The following TMEM86A variants were observed in gnomAD, a reference collection of about 807,000 sequenced individuals.
TMEM86A encodes lysoplasmalogenase TMEM86A.
A neutral mutation model predicts 19.8 loss-of-function variants in TMEM86A; 13 were observed. That is an observed-to-expected ratio of 0.66 (90% confidence interval 0.43 to 1.04). The LOEUF is 1.04. TMEM86A is among the 50% of genes least tolerant of loss of function. TMEM86A has a pLI of 0.00. For synonymous variants in TMEM86A, 128 were observed against 129.9 expected (o/e 0.99, Z 0.10); for missense variants, 248 against 306.8 (o/e 0.81, Z 1.43).
At position 18,699,639 on chromosome 11, in the gene TMEM86A, C is replaced by A. The variant is rs1015799765; in HGVS notation, c.21+732C>A. ...TGCTGGGCATTGTGGGCCTGGGCAT[C>A]CCCTCCAGCCGCCTCCTCTGACCAT... On this transcript the variant is annotated intron_variant, in intron 1 of 2. Coordinates refer to ENST00000280734, the MANE Select transcript of TMEM86A (RefSeq NM_153347.3). The surrounding 1 kb of genome is among the most constrained non-coding windows in gnomAD (Gnocchi z 4.0). 3.3e-5 allele frequency among the ~76,000 whole-genome samples: 5 copies of A among 152,172 alleles called. No individual in the cohort carries two copies. Among genetic ancestry groups the A allele is most frequent in the African/African-American group, 1.2e-4 (5 of 41,436 alleles).
In TMEM86A at chr11:18,698,894, C is replaced by T; in HGVS notation, c.8C>T (p.Ser3Phe). The change falls in exon 1 of 3, where the codon TCC becomes TTC. Residue 3 changes from serine to phenylalanine, a missense_variant. By Grantham distance (155) the Ser-to-Phe change is radical. Coordinates refer to ENST00000280734, the MANE Select transcript of TMEM86A (RefSeq NM_153347.3). Reference sequence around the variant, plus strand: ...GCCGCCGCCGCCGCCGCCATGGTGTCCCCGGTCACTGTGGTGAGTGAGCGA... The same window carrying T: ...GCCGCCGCCGCCGCCGCCATGGTGTTCCCGGTCACTGTGGTGAGTGAGCGA... MV[S>F]PVTVVKSEGP... is the part of the protein sequence containing the mutation. 3 of 681,700 alleles carry T rather than the reference C, an allele frequency of 4.4e-6. No individual in the cohort carries two copies. The East Asian group carries it at 9.1e-5, about 21-fold the overall frequency. The allele number at this position is 681,700 out of a possible 1,614,324, so 42.2% of individuals were successfully genotyped here. A position where few individuals can be genotyped will look rare whatever the true frequency, so the allele number is the denominator to read the frequency against.
chr11:18,701,670 G>A lies in TMEM86A; in HGVS notation c.384G>A (p.Ser128=), dbSNP rs376236030. 26 of 1,611,934 alleles carry A rather than the reference G, an allele frequency of 1.6e-5. No individual in the cohort carries two copies. The African/African-American group carries it at 2.3e-4, about 14-fold the overall frequency. Residue 128 remains serine, a synonymous_variant, in exon 3 of 3, where the codon TCG becomes TCA. Coordinates refer to ENST00000280734, the MANE Select transcript of TMEM86A (RefSeq NM_153347.3). The surrounding 1 kb of genome is among the most constrained non-coding windows in gnomAD (Gnocchi z 5.3). ...CAGGTCTGGTGATGGCAGCGCTGTCGGGCCTGTGCTATGCCCTCCTCTACC... is the reference window on the plus strand; with the variant it reads ...CAGGTCTGGTGATGGCAGCGCTGTCAGGCCTGTGCTATGCCCTCCTCTACC... The part of the protein sequence containing the change: ...LRTGLVMAAL[S]GLCYALLYPC...
Position 18,702,227 on chromosome 11 carries a change from A to G in TMEM86A, c.*218A>G. On this transcript the variant is annotated 3_prime_UTR_variant, in exon 3 of 3. Coordinates refer to ENST00000280734, the MANE Select transcript of TMEM86A (RefSeq NM_153347.3). ...GAGCTAAAAGAGCCAGCCTAATATC[A>G]GACTGGAGCCAGAAGTAGACATCTC... The G allele has an allele frequency of 1.7e-6, 1 of 589,586 alleles. No individual in the cohort carries two copies. Among genetic ancestry groups the G allele is most frequent in the Non-Finnish European group, 3.0e-6 (1 of 332,608 alleles). The allele number at this position is 589,586 out of a possible 1,614,324, so 36.5% of individuals were successfully genotyped here.
rs1195482358 is a variant in TMEM86A at position 18,704,077 on chromosome 11, G to A, written c.*2068G>A. ...AGTGTGAAGAAATGGGAGGGAGCAG[G>A]ATGGAGAGCAGGATGAAGTCAGCAG... is the stretch of plus-strand genomic sequence containing the variant. On this transcript the variant is annotated 3_prime_UTR_variant, in exon 3 of 3. Transcript: ENST00000280734. 4.5e-6 allele frequency: 1 copy of A among 222,408 alleles called. No homozygotes were observed. Among genetic ancestry groups the A allele is most frequent in the African/African-American group, 2.2e-5 (1 of 44,550 alleles). The allele number at this position is 222,408 out of a possible 1,614,324, so 13.8% of individuals were successfully genotyped here.
Position 18,704,434 on chromosome 11 carries a change from TA to T in TMEM86A, c.*2427del. ...GGACAGGCCAAGAAACTCCACATCA[TA>T]ACAGCCTCCTGATGCCTGGGCTTGG... On this transcript the variant is annotated 3_prime_UTR_variant, in exon 3 of 3. Coordinates refer to ENST00000280734, the MANE Select transcript of TMEM86A (RefSeq NM_153347.3). The T allele has an allele frequency of 6.8e-7, 1 of 1,478,070 alleles. No individual in the cohort carries two copies. Among genetic ancestry groups the T allele is most frequent in the Non-Finnish European group, 9.3e-7 (1 of 1,080,124 alleles). The allele number at this position is 1,478,070 out of a possible 1,614,324, so 91.6% of individuals were successfully genotyped here. A position where few individuals can be genotyped will look rare whatever the true frequency, so the allele number is the denominator to read the frequency against.
chr11:18,701,461 G>T lies in TMEM86A; in HGVS notation c.287-112G>T. ...ACCCCTGTTATCCCAAAGCAAAGCT[G>T]CTGGGTTATCCCAAACACTCCACTC... On this transcript the variant is annotated intron_variant, in intron 2 of 2. Transcript: ENST00000280734. This position sits in a 1 kb window ranked among gnomAD's most constrained non-coding sequence, Gnocchi z 5.3. The T allele has an allele frequency of 1.6e-6, 2 of 1,248,986 alleles. No individual in the cohort carries two copies. Among genetic ancestry groups the T allele is most frequent in the Non-Finnish European group, 2.2e-6 (2 of 898,064 alleles). The allele number at this position is 1,248,986 out of a possible 1,614,324, so 77.4% of individuals were successfully genotyped here.
At position 18,701,718 on chromosome 11, in the gene TMEM86A, C is replaced by G. The variant is rs1266504298; in HGVS notation, c.432C>G (p.Thr144=). The G allele has an allele frequency of 3.1e-6, 5 of 1,614,172 alleles. No individual in the cohort carries two copies. The highest frequency in any genetic ancestry group is 4.2e-6 in the Non-Finnish European group (5 of 1,180,034). Residue 144 remains threonine, a synonymous_variant, in exon 3 of 3, where the codon ACC becomes ACG. Transcript: ENST00000280734. This position sits in a 1 kb window ranked among gnomAD's most constrained non-coding sequence, Gnocchi z 5.3. The part of the protein sequence containing the change: ...LLYPCLSGAF[T]YLVGVYVALI... The stretch of plus-strand genomic sequence containing the variant: ...ACCCATGCCTCTCAGGTGCCTTCAC[C>G]TACCTGGTGGGGGTCTATGTGGCCC...
chr11:18,700,117 C>G (rs1040872418), intron 1 of TMEM86A: 1 of 152,334 alleles, frequency 6.6e-6, no homozygotes, highest in Non-Finnish European at 1.5e-5. Context: ...TAACTTCCCC[C>G]TCTCAGTTCC....
rs1256161023 is a variant in TMEM86A at position 18,699,200 on chromosome 11, C to A, written c.21+293C>A. On this transcript the variant is annotated intron_variant, in intron 1 of 2. Coordinates refer to ENST00000280734, the MANE Select transcript of TMEM86A (RefSeq NM_153347.3). The surrounding 1 kb of genome is among the most constrained non-coding windows in gnomAD (Gnocchi z 4.0). ...TATTTGGCGCGGGTCGGCGGGGTCG[C>A]GGCCCGGGAGAGGGAGGGGACCGCT... Among the ~76,000 whole-genome samples the A allele has an allele frequency of 6.6e-6, 1 of 152,210 alleles. No individual in the cohort carries two copies. The highest frequency in any genetic ancestry group is 2.1e-4 in the South Asian group (1 of 4,830).
Position 18,701,985 on chromosome 11 carries a change from C to G in TMEM86A, c.699C>G (p.His233Gln), listed in dbSNP as rs762960499. The change falls in exon 3 of 3, where the codon CAC becomes CAG. Residue 233 changes from histidine (H) to glutamine (Q), a missense_variant. By Grantham distance (24) the His-to-Gln change is conservative (BLOSUM62 0). Coordinates refer to ENST00000280734, the MANE Select transcript of TMEM86A (RefSeq NM_153347.3). The surrounding 1 kb of genome is among the most constrained non-coding windows in gnomAD (Gnocchi z 5.3). ...SAVESREPVE[H>Q]YRLTKAN The stretch of plus-strand genomic sequence containing the variant: ...TCGAAAGCCGGGAGCCTGTGGAACA[C>G]TACAGACTGACCAAGGCCAACTGAG... The G allele has an allele frequency of 1.9e-6, 3 of 1,608,252 alleles. No homozygotes were observed. Among genetic ancestry groups the G allele is most frequent in the Non-Finnish European group, 2.5e-6 (3 of 1,179,996 alleles).
At chr11:18,700,890 A>C in intron 1 of TMEM86A, 43 bp from the exon 2 acceptor site, 2 of 1,602,426 alleles carry the variant, frequency 1.2e-6, no homozygotes. Context: ...GCTGGCTTTC[A>C]ACCCCCAAGT....
At chr11:18,700,699 C>A in intron 1 of TMEM86A, 1 of 598,506 alleles carries the variant, frequency 1.7e-6, no homozygotes, top group Non-Finnish European at 2.9e-6. Flanking sequence ...CACTAGGCTG[C>A]AGAAGGGTGC....
Position 18,699,012 on chromosome 11 carries a change from G to A in TMEM86A, c.21+105G>A. The A allele has an allele frequency of 2.6e-6, 1 of 385,550 alleles. No homozygotes were observed. Among genetic ancestry groups the A allele is most frequent in the South Asian group, 1.1e-4 (1 of 9,360 alleles). 23.9% of individuals were successfully genotyped at this position (385,550 alleles called of 1,614,324 possible). ...CTGCCGAAGGGGCCGAGGCGGGGCGGGGGTCCCGTGGCGGCCGGAGTCCCG... is the reference window on the plus strand; with the variant it reads ...CTGCCGAAGGGGCCGAGGCGGGGCGAGGGTCCCGTGGCGGCCGGAGTCCCG... On this transcript the variant is annotated intron_variant, in intron 1 of 2. Coordinates refer to ENST00000280734, the MANE Select transcript of TMEM86A (RefSeq NM_153347.3). This position sits in a 1 kb window ranked among gnomAD's most constrained non-coding sequence, Gnocchi z 4.0.
In TMEM86A at chr11:18,702,676, C is replaced by T. The variant is rs1011359542; in HGVS notation, c.*667C>T. The T allele has an allele frequency of 4.5e-5, 7 of 154,498 alleles. No homozygotes were observed. The highest frequency in any genetic ancestry group is 1.7e-4 in the African/African-American group (7 of 41,582). 9.6% of individuals were successfully genotyped at this position (154,498 alleles called of 1,614,324 possible). A position where few individuals can be genotyped will look rare whatever the true frequency, so the allele number is the denominator to read the frequency against. On this transcript the variant is annotated 3_prime_UTR_variant, in exon 3 of 3. Coordinates refer to ENST00000280734, the MANE Select transcript of TMEM86A (RefSeq NM_153347.3). Reference sequence around the variant, plus strand: ...GGGGTCTCAAGAATTCAAGTAGCCCCATCTCTCTCTCGGGCAAGCCCAAAG... The same window carrying T: ...GGGGTCTCAAGAATTCAAGTAGCCCTATCTCTCTCTCGGGCAAGCCCAAAG...
At position 18,704,301 on chromosome 11, in the gene TMEM86A, C is replaced by T. The variant is rs1848179367; in HGVS notation, c.*2292C>T. ...CTTGGTCCCTGCTGTATATCACCCTCAGGAACGGGAAAGGATGAGTTACGT... is the reference window on the plus strand; with the variant it reads ...CTTGGTCCCTGCTGTATATCACCCTTAGGAACGGGAAAGGATGAGTTACGT... On this transcript the variant is annotated 3_prime_UTR_variant, in exon 3 of 3. Transcript: ENST00000280734. 1.6e-6 allele frequency: 1 copy of T among 616,556 alleles called. No homozygotes were observed. The highest frequency in any genetic ancestry group is 2.9e-6 in the Non-Finnish European group (1 of 340,690). 38.2% of individuals were successfully genotyped at this position (616,556 alleles called of 1,614,324 possible). A position where few individuals can be genotyped will look rare whatever the true frequency, so the allele number is the denominator to read the frequency against.
At position 18,701,158 on chromosome 11, in the gene TMEM86A, G is replaced by A. The variant is rs961720019; in HGVS notation, c.247G>A (p.Ala83Thr). ...VGLVFSAVGDAFLIWQDQGYF... is the reference protein window; with the variant it reads ...VGLVFSAVGDTFLIWQDQGYF... ...GCTTGTCTTCTCTGCTGTAGGTGACGCCTTCCTCATCTGGCAGGACCAAGG... is the reference window on the plus strand; with the variant it reads ...GCTTGTCTTCTCTGCTGTAGGTGACACCTTCCTCATCTGGCAGGACCAAGG... Residue 83 changes from alanine (A) to threonine (T), a missense_variant, in exon 2 of 3, where the codon GCC becomes ACC. Transcript: ENST00000280734. The surrounding 1 kb of genome is among the most constrained non-coding windows in gnomAD (Gnocchi z 5.3). 4 of 1,613,674 alleles carry A rather than the reference G, an allele frequency of 2.5e-6. No individual in the cohort carries two copies. The African/African-American group carries it at 4.0e-5, about 16-fold the overall frequency.
chr11:18,698,927 A>G lies in TMEM86A; in HGVS notation c.21+20A>G. The G allele has an allele frequency of 1.6e-6, 1 of 626,468 alleles. No individual in the cohort carries two copies. The highest frequency in any genetic ancestry group is 2.9e-6 in the Non-Finnish European group (1 of 349,568). The allele number at this position is 626,468 out of a possible 1,614,324, so 38.8% of individuals were successfully genotyped here. A position where few individuals can be genotyped will look rare whatever the true frequency, so the allele number is the denominator to read the frequency against. On this transcript the variant is annotated intron_variant, in intron 1 of 2. Transcript: ENST00000280734. ...ACTGTGGTGAGTGAGCGAGCGAGCGAGCCAGTGCCCGGCGCGGCTGGAGCC... is the reference window on the plus strand; with the variant it reads ...ACTGTGGTGAGTGAGCGAGCGAGCGGGCCAGTGCCCGGCGCGGCTGGAGCC...
rs112975675 is a variant in TMEM86A at position 18,701,234 on chromosome 11, G to A, written c.286+37G>A. The A allele has an allele frequency of 4.1e-5, 65 of 1,603,606 alleles. 1 individual carries two copies. Among genetic ancestry groups the A allele is most frequent in the African/African-American group, 3.7e-4 (28 of 74,808 alleles). ...TAGTAGTTGCCTGGGAGGAGTCCTG[G>A]GGCTGGGGGATAGAGGGTCCTGGGC... On this transcript the variant is annotated intron_variant, in intron 2 of 2. Coordinates refer to ENST00000280734, the MANE Select transcript of TMEM86A (RefSeq NM_153347.3). This position sits in a 1 kb window ranked among gnomAD's most constrained non-coding sequence, Gnocchi z 5.3.
In TMEM86A at chr11:18,701,722, C is replaced by T; in HGVS notation, c.436C>T (p.Leu146=). The T allele has an allele frequency of 5.0e-6, 8 of 1,614,164 alleles. No homozygotes were observed. Among genetic ancestry groups the T allele is most frequent in the Non-Finnish European group, 6.8e-6 (8 of 1,180,032 alleles). ...YPCLSGAFTY[L]VGVYVALIGF... ...ATGCCTCTCAGGTGCCTTCACCTAC[C>T]TGGTGGGGGTCTATGTGGCCCTTAT... The change falls in exon 3 of 3, where the codon CTG becomes TTG. Residue 146 remains leucine, a synonymous_variant. Transcript: ENST00000280734. This position sits in a 1 kb window ranked among gnomAD's most constrained non-coding sequence, Gnocchi z 5.3.
Sources: gnomAD v4.1 joint callset for allele counts (sites outside exome capture counted in the v4.1 genomes callset) on GRCh38, gnomAD v4.1.1 for gene constraint, Gnocchi (gnomAD v3.1) non-coding constraint, MANE v1.5 for transcripts, NCBI Gene and HGNC (gene_info 2026-07-23, HGNC 2026-07-21) for gene names.